The following CAVIN3 variants were observed in gnomAD, a reference collection of about 807,000 sequenced individuals.
CAVIN3 encodes the protein caveolae-associated protein 3.
Under a neutral mutation model 8.2 loss-of-function variants are expected in CAVIN3, and 11 were observed. The observed-to-expected ratio is 1.35, with a 90% CI of 0.85 to 2.23. The LOEUF (loss-of-function observed/expected upper bound fraction) is 2.23. Among genes scored for constraint, CAVIN3 ranks in the 30% most tolerant of loss-of-function variants. The probability of loss-of-function intolerance (pLI) is 0.00; values close to 1 mark genes in which losing one functional copy is unlikely to be tolerated. For missense variants in CAVIN3, 401 were observed against 359.5 expected, an observed-to-expected ratio of 1.12 and a Z score of -0.93; for synonymous variants, 191 against 166.3, an observed-to-expected ratio of 1.15 and a Z score of -1.14.
In CAVIN3 at chr11:6,320,244, A is replaced by T; in HGVS notation, c.233T>A (p.Leu78Ter). 1.3e-6 allele frequency: 2 copies of T among 1,565,016 alleles called. No homozygotes were observed. The highest frequency in any genetic ancestry group is 1.7e-6 in the Non-Finnish European group (2 of 1,162,194). ...SRSHDTTSNT[L>*]AQLLAKAERV... is the part of the protein sequence containing the mutation. ...CTCCGCCTTGGCCAGCAGCTGCGCC[A>T]AGGTGTTGCTGGTGGTGTCGTGGCT... The change falls in exon 1 of 2, where the codon TTG becomes TAG. Residue 78 changes from leucine (L) to a stop codon, truncating the protein, a stop_gained. Transcript: ENST00000303927. LOFTEE classifies it high-confidence loss of function.
intron 1 of CAVIN3, 146 bp downstream of exon 1, chr11:6,319,947 C>T (rs927453960): frequency 3.2e-6 from 3 of 930,142 alleles, no homozygotes; most frequent in African/African-American, 1.7e-5. Context: ...GAAGTGGGTG[C>T]GGCTCTGTGA....
Position 6,319,237 on chromosome 11 carries a change from G to A in CAVIN3, c.712C>T (p.Gln238Ter). The A allele has an allele frequency of 6.3e-7, 1 of 1,592,748 alleles. No individual in the cohort carries two copies. Among genetic ancestry groups the A allele is most frequent in the Non-Finnish European group, 8.5e-7 (1 of 1,171,294 alleles). ...LEPTLEPEPPQDTEEDPGRPG... is the reference protein window; with the variant it reads ...LEPTLEPEPP The stretch of plus-strand genomic sequence containing the variant: ...CTCCCGGGATCTTCCTCGGTGTCCT[G>A]CGGAGGCTCTGGCTCCAGCGTGGGC... Residue 238 changes from glutamine to a stop codon, truncating the protein, a stop_gained, in exon 2 of 2, where the codon CAG (glutamine) becomes TAG (stop). Transcript: ENST00000303927. LOFTEE classifies it high-confidence loss of function.
At chr11:6,319,954 G>T in intron 1 of CAVIN3, 139 bp downstream of exon 1, 1 of 990,034 alleles carries the variant, frequency 1.0e-6, no homozygotes, top group Non-Finnish European at 1.4e-6. Flanking sequence ...GTGCGGCTCT[G>T]TGAGTCTGTT....
In CAVIN3 at chr11:6,320,149, C is replaced by A; in HGVS notation, c.328G>T (p.Glu110Ter). 1 of 1,587,148 alleles carries A rather than the reference C, an allele frequency of 6.3e-7. No homozygotes were observed. The highest frequency in any genetic ancestry group is 8.5e-7 in the Non-Finnish European group (1 of 1,174,864). The change falls in exon 1 of 2, where the codon GAG (glutamate) becomes TAG (stop). Residue 110 changes from glutamate to a stop codon, truncating the protein, a stop_gained. Transcript: ENST00000303927. LOFTEE classifies it high-confidence loss of function. ...GCCACCAGCAGCCCGTGGTTGGCCT[C>A]CAGCCGCTGCACCTGGGCTGCGCGG... ...VRRAAQVQRL[E>*]ANHGLLVARG... is the part of the protein sequence containing the mutation.
At position 6,318,971 on chromosome 11, in the gene CAVIN3, G is replaced by A; in HGVS notation, c.*192C>T. 2.0e-6 allele frequency: 1 copy of A among 489,108 alleles called. No individual in the cohort carries two copies. Among genetic ancestry groups the A allele is most frequent in the Non-Finnish European group, 3.6e-6 (1 of 280,124 alleles). The allele number at this position is 489,108 out of a possible 1,614,324, so 30.3% of individuals were successfully genotyped here. On this transcript the variant is annotated 3_prime_UTR_variant, in exon 2 of 2. Transcript: ENST00000303927. Reference sequence around the variant, plus strand: ...TTCGGGTGAAATTACTTTTATTGATGGTGAGCGCAAGCAGGTGTGAGTGAC... The same window carrying A: ...TTCGGGTGAAATTACTTTTATTGATAGTGAGCGCAAGCAGGTGTGAGTGAC...
At chr11:6,319,717 C>G in intron 1 of CAVIN3, 153 bp from the exon 2 acceptor site, 1 of 964,226 alleles carries the variant, frequency 1.0e-6, no homozygotes, top group South Asian at 1.4e-5. Context: ...GGGAAAGCTG[C>G]GTGCGAACTG....
Position 6,319,258 on chromosome 11 carries a change from T to C in CAVIN3, c.691A>G (p.Thr231Ala), listed in dbSNP as rs371948974. ...QPEAQPALEP[T>A]LEPEPPQDTE... ...TCCTGCGGAGGCTCTGGCTCCAGCG[T>C]GGGCTCCAGCGCAGGCTGGGCTTCC... Residue 231 changes from threonine (T) to alanine (A), a missense_variant, in exon 2 of 2, where the codon ACG (threonine) becomes GCG (alanine). Coordinates refer to ENST00000303927, the MANE Select transcript of CAVIN3 (RefSeq NM_145040.3). The C allele has an allele frequency of 2.0e-5, 32 of 1,604,666 alleles. No homozygotes were observed. The African/African-American group carries it at 4.2e-4, about 21-fold the overall frequency.
chr11:6,320,020 A>T, intron 1 of CAVIN3, 73 bp downstream of exon 1: 3 of 1,458,430 alleles, frequency 2.1e-6, no homozygotes, highest in Non-Finnish European at 2.7e-6. Flanking sequence ...GGTGGATGGA[A>T]GCGGGGAGCC....
At chr11:6,319,613 C>G (rs1846784828) in intron 1 of CAVIN3, 49 bp from the exon 2 acceptor site, 5 of 1,535,014 alleles carry the variant, frequency 3.3e-6, no homozygotes, top group Non-Finnish European at 4.4e-6. Context: ...TTACCCCCAG[C>G]AGCCCGAAAC....
In CAVIN3 at chr11:6,320,184, C is replaced by T; in HGVS notation, c.293G>A (p.Arg98His). Reference protein sequence around the residue: ...VSSHANAAQERAVRRAAQVQR... With the variant: ...VSSHANAAQEHAVRRAAQVQR... Reference sequence around the variant, plus strand: ...CACCTGGGCTGCGCGGCGCACCGCGCGCTCTTGGGCGGCGTTGGCGTGCGA... The same window carrying T: ...CACCTGGGCTGCGCGGCGCACCGCGTGCTCTTGGGCGGCGTTGGCGTGCGA... The change falls in exon 1 of 2, where the codon CGC becomes CAC. Residue 98 changes from arginine (R) to histidine (H), a missense_variant. Physicochemically the swap from Arg to His is conservative, Grantham distance 29. Transcript: ENST00000303927. 6.4e-7 allele frequency: 1 copy of T among 1,568,944 alleles called. No individual in the cohort carries two copies. The highest frequency in any genetic ancestry group is 8.6e-7 in the Non-Finnish European group (1 of 1,165,602).
Position 6,320,230 on chromosome 11 carries a change from C to T in CAVIN3, c.247G>A (p.Ala83Thr), listed in dbSNP as rs1281136238. 2.6e-6 allele frequency: 4 copies of T among 1,563,606 alleles called. No individual in the cohort carries two copies. Among genetic ancestry groups the T allele is most frequent in the Non-Finnish European group, 3.4e-6 (4 of 1,161,766 alleles). ...TGCGAGCTCACGCGCTCCGCCTTGG[C>T]CAGCAGCTGCGCCAAGGTGTTGCTG... ...TTSNTLAQLL[A>T]KAERVSSHAN... The change falls in exon 1 of 2, where the codon GCC becomes ACC. Residue 83 changes from alanine to threonine, a missense_variant. Ala to Thr is a moderately conservative substitution (Grantham distance 58). Coordinates refer to ENST00000303927, the MANE Select transcript of CAVIN3 (RefSeq NM_145040.3).
In CAVIN3 at chr11:6,320,242, C is replaced by T; in HGVS notation, c.235G>A (p.Ala79Thr). 6.4e-7 allele frequency: 1 copy of T among 1,564,844 alleles called. No individual in the cohort carries two copies. Among genetic ancestry groups the T allele is most frequent in the Non-Finnish European group, 8.6e-7 (1 of 1,162,160 alleles). The change falls in exon 1 of 2, where the codon GCG becomes ACG. Residue 79 changes from alanine to threonine, a missense_variant. Ala to Thr is a moderately conservative substitution (Grantham distance 58). Transcript: ENST00000303927. The part of the protein sequence containing the change: ...RSHDTTSNTL[A>T]QLLAKAERVS... Reference sequence around the variant, plus strand: ...CGCTCCGCCTTGGCCAGCAGCTGCGCCAAGGTGTTGCTGGTGGTGTCGTGG... The same window carrying T: ...CGCTCCGCCTTGGCCAGCAGCTGCGTCAAGGTGTTGCTGGTGGTGTCGTGG...
Position 6,319,211 on chromosome 11 carries a change from T to G in CAVIN3, c.738A>C (p.Arg246Ser). Residue 246 changes from arginine to serine, a missense_variant, in exon 2 of 2, where the codon AGA (arginine) becomes AGC (serine). Physicochemically the swap from Arg to Ser is moderately radical, Grantham distance 110. Transcript: ENST00000303927. ...GCAGAGCTTCTTCGGCAGCCCCAGG[T>G]CTCCCGGGATCTTCCTCGGTGTCCT... ...PPQDTEEDPG[R>S]PGAAEEALLQ... is the part of the protein sequence containing the mutation. 6.4e-7 allele frequency: 1 copy of G among 1,555,576 alleles called. No homozygotes were observed. The highest frequency in any genetic ancestry group is 8.7e-7 in the Non-Finnish European group (1 of 1,155,508).
chr11:6,320,038 G>A, intron 1 of CAVIN3, 55 bp downstream of exon 1: 1 of 1,512,538 alleles, frequency 6.6e-7, no homozygotes, highest in Non-Finnish European at 8.8e-7. Context: ...GCCCCCAGCT[G>A]GTGGCCCACA....
rs567639645 is a variant in CAVIN3 at position 6,319,672 on chromosome 11, C to A, written c.385-108G>T. ...AACCTTTTACCTCCGCAGCCAGAGT[C>A]TGGGGGGAAAGGCAGGCGTGGGAAG... On this transcript the variant is annotated intron_variant, in intron 1 of 1. Coordinates refer to ENST00000303927, the MANE Select transcript of CAVIN3 (RefSeq NM_145040.3). 4,286 of 1,380,132 alleles carry A rather than the reference C, an allele frequency of 3.1e-3. 12 individuals carry two copies. Among genetic ancestry groups the A allele is most frequent in the Non-Finnish European group, 3.9e-3 (3,910 of 1,004,520 alleles). The allele number at this position is 1,380,132 out of a possible 1,614,324, so 85.5% of individuals were successfully genotyped here.
At chr11:6,319,747 T>C (rs971151672) in intron 1 of CAVIN3, 183 bp from the exon 2 acceptor site, 3 of 761,290 alleles carry the variant, frequency 3.9e-6, no homozygotes, top group Non-Finnish European at 4.5e-6. Flanking sequence ...GTAAAGTAGG[T>C]GAGGCCTGGT....
chr11:6,319,086 G>A lies in CAVIN3; in HGVS notation c.*77C>T, dbSNP rs1352324095. The stretch of plus-strand genomic sequence containing the variant: ...TGGATGTAGGATTCGCTCCTTATTA[G>A]GGCGTGAGTGCTACATTCTGAAAGG... On this transcript the variant is annotated 3_prime_UTR_variant, in exon 2 of 2. Transcript: ENST00000303927. The A allele has an allele frequency of 5.6e-6, 8 of 1,431,134 alleles. No homozygotes were observed. The highest frequency in any genetic ancestry group is 7.5e-6 in the Non-Finnish European group (8 of 1,069,678). 88.7% of individuals were successfully genotyped at this position (1,431,134 alleles called of 1,614,324 possible). A position where few individuals can be genotyped will look rare whatever the true frequency, so the allele number is the denominator to read the frequency against.
Position 6,320,463 on chromosome 11 carries a change from G to A in CAVIN3, c.14C>T (p.Ala5Val), listed in dbSNP as rs1294360814. 1 of 1,523,384 alleles carries A rather than the reference G, an allele frequency of 6.6e-7. No individual in the cohort carries two copies. 94.4% of individuals were successfully genotyped at this position (1,523,384 alleles called of 1,614,324 possible). Residue 5 changes from alanine (A) to valine (V), a missense_variant, in exon 1 of 2, where the codon GCG (alanine) becomes GTG (valine). Ala to Val is a moderately conservative substitution (Grantham distance 64, BLOSUM62 0). Coordinates refer to ENST00000303927, the MANE Select transcript of CAVIN3 (RefSeq NM_145040.3). ...CTCGGGCACAGGCCCCCGCTCCAAC[G>A]CACTCTCCCTCATGATCCCTGACCG... MRES[A>V]LERGPVPEAP...
chr11:6,319,664 GC>G, intron 1 of CAVIN3, 100 bp from the exon 2 acceptor site: 1 of 1,411,268 alleles, frequency 7.1e-7, no homozygotes, highest in Non-Finnish European at 9.7e-7. Flanking sequence ...TACCTCCGCA[GC>G]CAGAGTCTGG....
Sources: gnomAD v4.1 joint callset for allele counts on GRCh38, gnomAD v4.1.1 for gene constraint, MANE v1.5 for transcripts, NCBI Gene and HGNC (gene_info 2026-07-23, HGNC 2026-07-21) for gene names.